The following MAP3K5 variants were observed in gnomAD, a reference collection of about 807,000 sequenced individuals.
MAP3K5 encodes mitogen-activated protein kinase kinase kinase 5.
MAP3K5 carries 56 observed loss-of-function variants against 158.7 expected under a neutral mutation model. The observed-to-expected ratio is 0.35, with a 90% CI of 0.28 to 0.44. The LOEUF (loss-of-function observed/expected upper bound fraction) is 0.44. MAP3K5 is among the 20% of genes least tolerant of loss of function. MAP3K5 has a pLI of 1.00. For missense variants in MAP3K5, 1,294 were observed against 1,674.8 expected (o/e 0.77, Z 3.97); for synonymous variants, 579 against 601.7 (o/e 0.96, Z 0.55).
intron 12 of MAP3K5, among the ~76,000 whole-genome samples, chr6:136,642,024 TAAAATA>T (rs1366633314): frequency 1.5e-4 from 16 of 106,172 alleles, no homozygotes; most frequent in African/African-American, 5.2e-4. Flanking sequence ...ATAAATAAAA[TAAAATA>T]AAAATAAAAT....
intron 14 of MAP3K5, among the ~76,000 whole-genome samples, chr6:136,625,835 A>G (rs1049557971): frequency 2.2e-5 from 3 of 133,580 alleles, no homozygotes; most frequent in African/African-American, 7.9e-5. Flanking sequence ...TCAAGACTTC[A>G]TTAAGTCAGA....
chr6:136,774,815 A>G (rs1485669061), intron 1 of MAP3K5, among the ~76,000 whole-genome samples: 1 of 152,230 alleles, frequency 6.6e-6, no homozygotes, highest in Non-Finnish European at 1.5e-5. Flanking sequence ...AACAAGACAG[A>G]AAAAGAGACA....
At chr6:136,718,416 G>A (rs1180047746) in intron 2 of MAP3K5, among the ~76,000 whole-genome samples, 1 of 152,104 alleles carries the variant, frequency 6.6e-6, no homozygotes, top group Admixed American at 6.5e-5. Context: ...TGGCCAGGCT[G>A]GTCTTGAACT....
intron 3 of MAP3K5, among the ~76,000 whole-genome samples, chr6:136,701,785 T>C (rs1447335127): frequency 1.3e-5 from 2 of 152,038 alleles, no homozygotes; most frequent in Non-Finnish European, 2.9e-5. Flanking sequence ...AGTCACAAAA[T>C]GAGAACAAAG....
intron 2 of MAP3K5, among the ~76,000 whole-genome samples, chr6:136,718,204 T>C (rs988685032): frequency 1.3e-4 from 20 of 152,118 alleles, no homozygotes; most frequent in African/African-American, 4.8e-4. Flanking sequence ...TTATTATTAT[T>C]ATTCTTTGTT....
intron 19 of MAP3K5, among the ~76,000 whole-genome samples, chr6:136,603,278 T>A (rs1285633295): frequency 1.3e-5 from 2 of 151,856 alleles, no homozygotes; most frequent in Admixed American, 1.3e-4. Flanking sequence ...GTCCAAGTGA[T>A]TCTCCTGCCT....
At chr6:136,562,187 A>G (rs761624099) in intron 27 of MAP3K5, among the ~76,000 whole-genome samples, 12 of 152,234 alleles carry the variant, frequency 7.9e-5, no homozygotes, top group Non-Finnish European at 1.6e-4. Context: ...ATGACAAAAA[A>G]TAGTATTATT....
At chr6:136,637,086 T>C in intron 14 of MAP3K5, 14 of 1,375,766 alleles carry the variant, frequency 1.0e-5, no homozygotes, top group Non-Finnish European at 1.3e-5. Context: ...AGATAAAGCA[T>C]AGTTACTCGC....
At chr6:136,665,323 T>C (rs958311076) in intron 8 of MAP3K5, among the ~76,000 whole-genome samples, 1 of 151,878 alleles carries the variant, frequency 6.6e-6, no homozygotes, top group Admixed American at 6.6e-5. Flanking sequence ...ACATTTACTA[T>C]GTAGCATAGC....
intron 7 of MAP3K5, among the ~76,000 whole-genome samples, chr6:136,684,881 G>A (rs1167626405): frequency 6.6e-6 from 1 of 152,168 alleles, no homozygotes; most frequent in Non-Finnish European, 1.5e-5. Flanking sequence ...AAATGACAAT[G>A]CAAAACATCA....
rs190024133 is a variant in MAP3K5, at chr6:136,782,594, C to T, written c.448+9116G>A. 4.6e-5 allele frequency among the ~76,000 whole-genome samples: 7 copies of T among 152,292 alleles called. No homozygotes were observed. The East Asian group carries it at 1.3e-3, about 29-fold the overall frequency. ...TCCTGTATGAATCATATACCAAAGGCAATTGCTTTCCTCATTGTTGATGAA... is the reference window on the plus strand; with the variant it reads ...TCCTGTATGAATCATATACCAAAGGTAATTGCTTTCCTCATTGTTGATGAA... On this transcript the variant is annotated intron_variant, in intron 1 of 29. Transcript: ENST00000359015.
chr6:136,784,128 G>A (rs1204423704), intron 1 of MAP3K5, among the ~76,000 whole-genome samples: 1 of 152,150 alleles, frequency 6.6e-6, no homozygotes, highest in East Asian at 1.9e-4. Context: ...ATAATGCACA[G>A]GCTTCACCCA....
intron 1 of MAP3K5, among the ~76,000 whole-genome samples, chr6:136,783,628 C>A (rs1242263216): frequency 6.6e-6 from 1 of 152,196 alleles, no homozygotes; most frequent in South Asian, 2.1e-4. Context: ...GGGGCAAATG[C>A]TGGCATGTTC....
intron 23 of MAP3K5, among the ~76,000 whole-genome samples, chr6:136,589,961 A>G (rs762143260): frequency 6.6e-6 from 1 of 152,252 alleles, no homozygotes; most frequent in Admixed American, 6.5e-5. Flanking sequence ...TTGAACTTTA[A>G]TAGCCAATGT....
intron 2 of MAP3K5, among the ~76,000 whole-genome samples, chr6:136,705,979 C>T (rs1018600521): frequency 2.0e-5 from 3 of 152,104 alleles, no homozygotes; most frequent in African/African-American, 7.2e-5. Context: ...GATAAATGGC[C>T]GGGTGCAGTG....
chr6:136,691,812 A>G (rs1434082466), intron 7 of MAP3K5, among the ~76,000 whole-genome samples: 1 of 152,080 alleles, frequency 6.6e-6, no homozygotes. Context: ...TGTACTTTTC[A>G]GTTCTAGAAC....
At chr6:136,720,184 G>A (rs916302943) in intron 2 of MAP3K5, among the ~76,000 whole-genome samples, 6 of 152,062 alleles carry the variant, frequency 3.9e-5, no homozygotes, top group South Asian at 4.1e-4. Context: ...CCACGTCGGC[G>A]CTAATGACTT....
intron 1 of MAP3K5, among the ~76,000 whole-genome samples, chr6:136,772,343 G>A (rs1784241225): frequency 6.6e-6 from 1 of 152,114 alleles, no homozygotes; most frequent in African/African-American, 2.4e-5. Flanking sequence ...TGGTAAGCAT[G>A]GCACAGAAGA....
intron 1 of MAP3K5, among the ~76,000 whole-genome samples, chr6:136,781,225 G>A (rs1784600898): frequency 6.6e-6 from 1 of 152,122 alleles, no homozygotes; most frequent in Non-Finnish European, 1.5e-5. Context: ...CCAGGAAACA[G>A]CCCAAGACTT....
Sources: gnomAD v4.1 joint callset for allele counts (sites outside exome capture counted in the v4.1 genomes callset) on GRCh38, gnomAD v4.1.1 for gene constraint, MANE v1.5 for transcripts, NCBI Gene and HGNC (gene_info 2026-07-23, HGNC 2026-07-21) for gene names.